GRHL1: variants seen among roughly 807,000 people sequenced by gnomAD.
The protein encoded by GRHL1 is grainyhead-like protein 1 homolog.
GRHL1 carries 38 observed loss-of-function variants against 75.7 expected under a neutral mutation model. The observed-to-expected ratio is 0.50, with a 90% CI of 0.39 to 0.66. The LOEUF (loss-of-function observed/expected upper bound fraction) is 0.66. GRHL1 is among the 30% of genes least tolerant of loss of function. GRHL1 has a pLI of 0.00. For synonymous variants in GRHL1, 266 were observed against 279.4 expected (o/e 0.95, Z 0.48); for missense variants, 589 against 767.5 (o/e 0.77, Z 2.75).
At chr2:9,963,465 G>A (rs182083922) in intron 5 of GRHL1, among the ~76,000 whole-genome samples, 28 of 152,304 alleles carry the variant, frequency 1.8e-4, no homozygotes, top group Admixed American at 1.6e-3. Flanking sequence ...ATTGTGGAGT[G>A]CCTGCCTATT....
At chr2:9,975,463 G>A (rs1380070726) in intron 8 of GRHL1, among the ~76,000 whole-genome samples, 3 of 152,112 alleles carry the variant, frequency 2.0e-5, no homozygotes, top group Non-Finnish European at 4.4e-5. Flanking sequence ...AATGATTCAG[G>A]GGATATAAAT....
intron 5 of GRHL1, among the ~76,000 whole-genome samples, chr2:9,962,973 C>G (rs1162599138): frequency 6.6e-6 from 1 of 151,828 alleles, no homozygotes; most frequent in African/African-American, 2.4e-5. Flanking sequence ...TGACAACTTT[C>G]TTTTGACCTC....
At chr2:9,960,071 T>C (rs908448219) in intron 3 of GRHL1, 7 of 152,234 alleles carry the variant, frequency 4.6e-5, no homozygotes, top group African/African-American at 1.7e-4. Flanking sequence ...AAATTATTTA[T>C]CAAACCAAAA....
intron 8 of GRHL1, among the ~76,000 whole-genome samples, chr2:9,966,887 T>C (rs992581150): frequency 6.6e-6 from 1 of 152,170 alleles, no homozygotes. Context: ...CATACAATTG[T>C]CAGGTGGCTG....
In GRHL1 at chr2:9,991,990, ATTT is replaced by A; in HGVS notation, c.1322-6_1322-4del. 5.2e-6 allele frequency: 6 copies of A among 1,144,276 alleles called. No homozygotes were observed. The highest frequency in any genetic ancestry group is 4.8e-6 in the Non-Finnish European group (4 of 833,494). 70.9% of individuals were successfully genotyped at this position (1,144,276 alleles called of 1,614,324 possible). On this transcript the variant is annotated splice_polypyrimidine_tract_variant and intron_variant, in intron 10 of 15. Transcript: ENST00000324907. ...TTTGACCTTGGCTTCCTCTTTTTTA[ATTT>A]TTTTTTTTTTCAGTTTCTGATGTTA...
intron 9 of GRHL1, among the ~76,000 whole-genome samples, chr2:9,986,935 G>T (rs6714600): frequency 0.26 from 40,021 of 151,614 alleles, 5,633 homozygotes; most frequent in Admixed American, 0.34. Context: ...CTTGAACTCC[G>T]GTCCTCAAGT....
In GRHL1 at chr2:9,968,448, G is replaced by T. The variant is rs114536883; in HGVS notation, c.1110+3067G>T. On this transcript the variant is annotated intron_variant, in intron 8 of 15. Transcript: ENST00000324907. The surrounding 1 kb of genome is among the most constrained non-coding windows in gnomAD (Gnocchi z 4.7). ...ATTGTCCTTCCACAAAATTAGATTT[G>T]TTTGGGTAGTTAAGAGTCAGAGGTC... Among the ~76,000 whole-genome samples, 1,712 of 152,294 alleles carry T rather than the reference G, an allele frequency of 0.011. 33 individuals are homozygous for T. Among genetic ancestry groups the T allele is most frequent in the African/African-American group, 0.039 (1,618 of 41,544 alleles).
chr2:9,951,734 CG>C lies in GRHL1; in HGVS notation c.-98del. ...ACCCAACCCGTCGGGGCCGCCGCTC[CG>C]GACCCGCAGCCGCCGCCGCCGCCTC... On this transcript the variant is annotated 5_prime_UTR_variant, in exon 1 of 16. Transcript: ENST00000324907. This position sits in a 1 kb window ranked among gnomAD's most constrained non-coding sequence, Gnocchi z 4.2. 8.5e-7 allele frequency: 1 copy of C among 1,169,908 alleles called. No homozygotes were observed. Among genetic ancestry groups the C allele is most frequent in the Non-Finnish European group, 1.2e-6 (1 of 843,716 alleles). The allele number at this position is 1,169,908 out of a possible 1,614,324, so 72.5% of individuals were successfully genotyped here.
chr2:9,975,949 A>G (rs1159725364), intron 8 of GRHL1, among the ~76,000 whole-genome samples: 1 of 152,182 alleles, frequency 6.6e-6, no homozygotes, highest in Non-Finnish European at 1.5e-5. Flanking sequence ...CAAGTTACCT[A>G]ACCTCTAAGT....
rs111683346 is a variant in GRHL1 at position 9,955,110 on chromosome 2, GC to G, written c.207+11del. On this transcript the variant is annotated intron_variant, in intron 2 of 15. Transcript: ENST00000324907. ...TCTATGACTACTACAAGGTGGGTTT[GC>G]CTGCCTTTAAAACCCTTAACAGCAG... The G allele has an allele frequency of 1.5e-4, 244 of 1,597,208 alleles. No individual in the cohort carries two copies. In the African/African-American group the frequency reaches 2.8e-3, roughly 18 times the overall value.
At chr2:9,996,520 C>T in intron 14 of GRHL1, 119 bp downstream of exon 14, 1 of 760,502 alleles carries the variant, frequency 1.3e-6, no homozygotes, top group African/African-American at 1.7e-5. Context: ...GAATCCCTGA[C>T]ACCTTTCTCG....
intron 8 of GRHL1, among the ~76,000 whole-genome samples, chr2:9,979,852 A>G (rs1010245546): frequency 6.6e-6 from 1 of 152,140 alleles, no homozygotes; most frequent in African/African-American, 2.4e-5. Flanking sequence ...GTAACTTTTG[A>G]CTCATGGACT....
rs1553298499 is a variant in GRHL1, at chr2:9,951,743, A to AGAC, written c.-90_-89insACG. 21 of 1,232,988 alleles carry AGAC rather than the reference A, an allele frequency of 1.7e-5. No homozygotes were observed. The highest frequency in any genetic ancestry group is 2.2e-5 in the Non-Finnish European group (20 of 900,130). The allele number at this position is 1,232,988 out of a possible 1,614,324, so 76.4% of individuals were successfully genotyped here. A position where few individuals can be genotyped will look rare whatever the true frequency, so the allele number is the denominator to read the frequency against. On this transcript the variant is annotated 5_prime_UTR_variant, in exon 1 of 16. Transcript: ENST00000324907. The surrounding 1 kb of genome is among the most constrained non-coding windows in gnomAD (Gnocchi z 4.2). ...GTCGGGGCCGCCGCTCCGGACCCGC[A>AGAC]GCCGCCGCCGCCGCCTCCTCCCCCC...
chr2:9,983,341 C>T (rs1421277713), intron 8 of GRHL1, among the ~76,000 whole-genome samples: 1 of 151,874 alleles, frequency 6.6e-6, no homozygotes, highest in Non-Finnish European at 1.5e-5. Context: ...GGACCATTGT[C>T]AACTTTCTTT....
intron 8 of GRHL1, among the ~76,000 whole-genome samples, chr2:9,977,469 C>T (rs533973334): frequency 2.4e-4 from 36 of 152,250 alleles, no homozygotes; most frequent in Non-Finnish European, 4.1e-4. Flanking sequence ...TACAGGCATG[C>T]GCCACCTCAC....
chr2:9,984,612 G>T (rs1008633410), intron 8 of GRHL1, among the ~76,000 whole-genome samples: 2 of 152,140 alleles, frequency 1.3e-5, no homozygotes, highest in African/African-American at 4.8e-5. Flanking sequence ...TGGAGCCCAG[G>T]AGAGAAGGGT....
At chr2:9,963,054 G>A (rs549299555) in intron 5 of GRHL1, among the ~76,000 whole-genome samples, 1 of 152,228 alleles carries the variant, frequency 6.6e-6, no homozygotes, top group South Asian at 2.1e-4. Context: ...TTTGTTTTAT[G>A]TGTTTTTTAC....
intron 9 of GRHL1, among the ~76,000 whole-genome samples, chr2:9,989,952 A>C (rs1668572835): frequency 6.6e-6 from 1 of 152,122 alleles, no homozygotes; most frequent in Non-Finnish European, 1.5e-5. Context: ...AGGCCCTTGG[A>C]CTGAATCACA....
Position 10,000,762 on chromosome 2 carries a change from C to A in GRHL1, c.*55C>A. 9.9e-7 allele frequency: 1 copy of A among 1,005,568 alleles called. No homozygotes were observed. Among genetic ancestry groups the A allele is most frequent in the Non-Finnish European group, 1.6e-6 (1 of 640,660 alleles). The allele number at this position is 1,005,568 out of a possible 1,614,324, so 62.3% of individuals were successfully genotyped here. A position where few individuals can be genotyped will look rare whatever the true frequency, so the allele number is the denominator to read the frequency against. On this transcript the variant is annotated 3_prime_UTR_variant, in exon 16 of 16. Coordinates refer to ENST00000324907, the MANE Select transcript of GRHL1 (RefSeq NM_198182.3). ...TCAGTGCAGGTGTTTCTAGATCTTA[C>A]GGTTTGGCAACTGCAGGTAACCCCA...
Sources: allele counts gnomAD v4.1 joint callset (sites outside exome capture counted in the v4.1 genomes callset), GRCh38; gene constraint gnomAD v4.1.1; non-coding constraint Gnocchi (gnomAD v3.1); transcripts MANE v1.5; gene names NCBI Gene and HGNC (gene_info 2026-07-23, HGNC 2026-07-21).